The following ST18 variants were observed in gnomAD, a reference collection of about 807,000 sequenced individuals.
The protein encoded by ST18 is ST18 C2H2C-type zinc finger transcription factor, also known as suppression of tumorigenicity 18 protein.
In ST18, 50 loss-of-function variants were observed where a neutral mutation model predicts 110.0. The ratio of observed to expected loss-of-function variants is 0.45; its 90% CI spans 0.36 to 0.58. The LOEUF (loss-of-function observed/expected upper bound fraction) is 0.58, where lower values mean the gene tolerates loss of function less well. Among genes scored for constraint, ST18 ranks in the 20% least tolerant of loss-of-function variants. The probability of loss-of-function intolerance (pLI) is 0.00; values close to 1 mark genes in which losing one functional copy is unlikely to be tolerated. For synonymous variants in ST18, 461 were observed against 452.4 expected, an observed-to-expected ratio of 1.02 and a Z score of -0.24; for missense variants, 1,306 against 1,280.1, an observed-to-expected ratio of 1.02 and a Z score of -0.31.
intron 9 of ST18, among the ~76,000 whole-genome samples, chr8:52,179,685 A>G (rs558992595): frequency 1.8e-4 from 27 of 152,282 alleles, no homozygotes; most frequent in African/African-American, 6.5e-4. Context: ...ACTGTAATAT[A>G]TACATATATA....
At chr8:52,310,786 C>T (rs2095892637) in intron 2 of ST18, among the ~76,000 whole-genome samples, 1 of 151,252 alleles carries the variant, frequency 6.6e-6, no homozygotes, top group Admixed American at 6.6e-5. Flanking sequence ...AGGAGCTTGA[C>T]TTTCATTCAA....
At chr8:52,241,969 A>G (rs1003676523) in intron 2 of ST18, among the ~76,000 whole-genome samples, 2 of 152,100 alleles carry the variant, frequency 1.3e-5, no homozygotes, top group South Asian at 4.2e-4. Context: ...ACATTTCTCA[A>G]TATGTTAAAG....
Position 52,250,191 on chromosome 8 carries a change from C to T in ST18, c.-464-20114G>A, listed in dbSNP as rs574674781. Among the ~76,000 whole-genome samples the T allele has an allele frequency of 3.3e-5, 5 of 152,072 alleles. No individual in the cohort carries two copies. In the South Asian group the frequency reaches 1.0e-3, roughly 32 times the overall value. On this transcript the variant is annotated intron_variant, in intron 2 of 25. Transcript: ENST00000689386. ...TTACAGCAGAGGCTGTTCAGCTTGG[C>T]TAAAGAGTGTGGGGAGAAGGGGAGG...
intron 8 of ST18, among the ~76,000 whole-genome samples, chr8:52,182,786 C>G (rs2070333806): frequency 6.6e-6 from 1 of 151,978 alleles, no homozygotes; most frequent in Non-Finnish European, 1.5e-5. Context: ...CTGCATGTTC[C>G]ATAACAGGAC....
intron 3 of ST18, among the ~76,000 whole-genome samples, chr8:52,223,586 G>C (rs1338367596): frequency 6.6e-6 from 1 of 151,542 alleles, no homozygotes; most frequent in Non-Finnish European, 1.5e-5. Context: ...AGAGGTTGCA[G>C]TGAGCCAAGA....
At chr8:52,348,458 CTG>C (rs1818709316) in intron 2 of ST18, among the ~76,000 whole-genome samples, 1 of 152,186 alleles carries the variant, frequency 6.6e-6, no homozygotes, top group South Asian at 2.1e-4. Flanking sequence ...ACAGATAAAA[CTG>C]TGTATATTTC....
At chr8:52,347,680 T>A (rs1303964869) in intron 2 of ST18, among the ~76,000 whole-genome samples, 1 of 152,194 alleles carries the variant, frequency 6.6e-6, no homozygotes, top group African/African-American at 2.4e-5. Flanking sequence ...TCCCAGGCAC[T>A]ATTCTAGGAA....
intron 2 of ST18, among the ~76,000 whole-genome samples, chr8:52,373,290 A>G (rs553598693): frequency 3.3e-5 from 5 of 152,230 alleles, no homozygotes; most frequent in Admixed American, 6.5e-5. Context: ...ATCTCATGAT[A>G]TCAAGTGATA....
intron 9 of ST18, among the ~76,000 whole-genome samples, chr8:52,176,520 C>T (rs943409469): frequency 1.3e-5 from 2 of 152,166 alleles, no homozygotes; most frequent in East Asian, 3.8e-4. Flanking sequence ...GCAGACTGTT[C>T]GCTGGTCCAG....
chr8:52,133,808 G>A (rs2050834330), intron 19 of ST18, among the ~76,000 whole-genome samples: 1 of 151,856 alleles, frequency 6.6e-6, no homozygotes, highest in African/African-American at 2.4e-5. Flanking sequence ...TTGGCTTACT[G>A]CAACCTCCAA....
chr8:52,376,821 T>A (rs758056680), intron 2 of ST18, among the ~76,000 whole-genome samples: 3 of 152,206 alleles, frequency 2.0e-5, no homozygotes, highest in Non-Finnish European at 4.4e-5. Flanking sequence ...CATGATCGAA[T>A]TCTAAGGTAA....
intron 12 of ST18, among the ~76,000 whole-genome samples, chr8:52,164,859 T>C (rs1305806329): frequency 6.6e-6 from 1 of 152,236 alleles, no homozygotes; most frequent in South Asian, 2.1e-4. Flanking sequence ...TCTATTTGTA[T>C]GATTATATGA....
In ST18 at chr8:52,256,123, G is replaced by T. The variant is rs1207208243; in HGVS notation, c.-464-26046C>A. 1.3e-5 allele frequency among the ~76,000 whole-genome samples: 2 copies of T among 152,210 alleles called. 1 individual carries two copies. Among genetic ancestry groups the T allele is most frequent in the Non-Finnish European group, 2.9e-5 (2 of 68,038 alleles). On this transcript the variant is annotated intron_variant, in intron 2 of 25. Transcript: ENST00000689386. ...CCAGTCCATCACTTGCTTAAATGGG[G>T]TGCAACACTACATGCTTTACCAACT...
intron 2 of ST18, among the ~76,000 whole-genome samples, chr8:52,284,133 C>T (rs1423559467): frequency 2.0e-5 from 3 of 152,102 alleles, no homozygotes; most frequent in Non-Finnish European, 4.4e-5. Context: ...GAGGCAGAGC[C>T]AAAGTGGTGT....
chr8:52,114,664 T>C (rs973505881), intron 25 of ST18, among the ~76,000 whole-genome samples: 17 of 152,058 alleles, frequency 1.1e-4, no homozygotes, highest in African/African-American at 3.9e-4. Context: ...TCTTGGAGAG[T>C]CAGGGGATTG....
In ST18 at chr8:52,118,282, G is replaced by A. The variant is rs184850505; in HGVS notation, c.2859+56C>T. 1.4e-4 allele frequency: 168 copies of A among 1,202,164 alleles called. No individual in the cohort carries two copies. The African/African-American group carries it at 2.4e-3, about 17-fold the overall frequency. The allele number at this position is 1,202,164 out of a possible 1,614,324, so 74.5% of individuals were successfully genotyped here. ...ACAAGTTTTAAAATTTCAATGTTTT[G>A]TTTCCACCAAAGATTATGATTACAT... On this transcript the variant is annotated intron_variant, in intron 24 of 25. Transcript: ENST00000689386.
At chr8:52,190,323 A>G (rs1253314277) in intron 8 of ST18, among the ~76,000 whole-genome samples, 1 of 152,156 alleles carries the variant, frequency 6.6e-6, no homozygotes, top group African/African-American at 2.4e-5. Flanking sequence ...ATACACTTCT[A>G]TGTCCCAAGC....
intron 2 of ST18, among the ~76,000 whole-genome samples, chr8:52,397,125 C>T (rs997038315): frequency 1.3e-5 from 2 of 152,188 alleles, no homozygotes; most frequent in Non-Finnish European, 2.9e-5. Flanking sequence ...TCCCTTTTCT[C>T]CACACCCTTA....
chr8:52,385,413 A>T (rs981616541), intron 2 of ST18, among the ~76,000 whole-genome samples: 1 of 152,196 alleles, frequency 6.6e-6, no homozygotes, highest in African/African-American at 2.4e-5. Context: ...CAGCCTGGCC[A>T]ACATGGTGAA....
Sources: gnomAD v4.1 joint callset for allele counts (sites outside exome capture counted in the v4.1 genomes callset) on GRCh38, gnomAD v4.1.1 for gene constraint, MANE v1.5 for transcripts, NCBI Gene and HGNC (gene_info 2026-07-23, HGNC 2026-07-21) for gene names.